GABRB3: variants seen among roughly 807,000 people sequenced by gnomAD.
The protein encoded by GABRB3 is gamma-aminobutyric acid receptor subunit beta-3.
GABRB3 carries 14 observed loss-of-function variants against 52.1 expected under a neutral mutation model. The ratio of observed to expected loss-of-function variants is 0.27; its 90% CI spans 0.18 to 0.42. The LOEUF (loss-of-function observed/expected upper bound fraction) is 0.42. Among genes scored for constraint, GABRB3 ranks in the 10% least tolerant of loss-of-function variants. GABRB3 has a pLI of 1.00. For synonymous variants in GABRB3, 260 were observed against 232.3 expected, an observed-to-expected ratio of 1.12 and a Z score of -1.08; for missense variants, 307 against 609.1, an observed-to-expected ratio of 0.50 and a Z score of 5.22.
intron 3 of GABRB3, among the ~76,000 whole-genome samples, chr15:26,745,849 G>T (rs1435487882): frequency 6.6e-6 from 1 of 152,102 alleles, no homozygotes; most frequent in Non-Finnish European, 1.5e-5. Context: ...CTTGTTTAAC[G>T]ATTCACAATT....
chr15:26,656,953 G>A lies in GABRB3; in HGVS notation c.241-35419C>T, dbSNP rs1334625890. ...AACAGCAATAATGATGCTTTACCTA[G>A]TAGCTCCATCTGTCTCAGAGTGAAA... On this transcript the variant is annotated intron_variant, in intron 3 of 8. Coordinates refer to ENST00000311550, the MANE Select transcript of GABRB3 (RefSeq NM_000814.6). 4.6e-5 allele frequency: 7 copies of A among 152,326 alleles called. No homozygotes were observed. The East Asian group carries it at 1.4e-3, about 29-fold the overall frequency. The allele number at this position is 152,326 out of a possible 1,614,324, so 9.4% of individuals were successfully genotyped here.
At chr15:26,760,923 C>T (rs1012975956) in intron 3 of GABRB3, among the ~76,000 whole-genome samples, 7 of 152,088 alleles carry the variant, frequency 4.6e-5, no homozygotes, top group Admixed American at 4.6e-4. Context: ...GATCACCAGC[C>T]TTTTACAATC....
At chr15:26,602,833 C>T (rs1595473829) in intron 4 of GABRB3, among the ~76,000 whole-genome samples, 1 of 152,046 alleles carries the variant, frequency 6.6e-6, no homozygotes, top group Admixed American at 6.5e-5. Flanking sequence ...AACTAAATAA[C>T]CATTTCCACT....
At chr15:26,675,871 T>A (rs1027770562) in intron 3 of GABRB3, among the ~76,000 whole-genome samples, 3 of 152,106 alleles carry the variant, frequency 2.0e-5, no homozygotes, top group Admixed American at 6.5e-5. Context: ...CAGTCAGATA[T>A]CCAGGGTTGG....
At chr15:26,665,390 C>A (rs1474657556) in intron 3 of GABRB3, among the ~76,000 whole-genome samples, 1 of 152,200 alleles carries the variant, frequency 6.6e-6, no homozygotes, top group Non-Finnish European at 1.5e-5. Flanking sequence ...GCAAAGGTAG[C>A]AGAGATTACC....
chr15:26,675,937 A>T (rs1888055057), intron 3 of GABRB3, among the ~76,000 whole-genome samples: 1 of 152,182 alleles, frequency 6.6e-6, no homozygotes, highest in African/African-American at 2.4e-5. Context: ...CAATGCAGAG[A>T]TGAACACTGA....
At chr15:26,668,206 A>G (rs1324962311) in intron 3 of GABRB3, among the ~76,000 whole-genome samples, 5 of 152,242 alleles carry the variant, frequency 3.3e-5, no homozygotes. Context: ...GCAAGGAAAT[A>G]AAGAATATGC....
chr15:26,606,768 C>CAATAGATAGA (rs768804640), intron 4 of GABRB3, among the ~76,000 whole-genome samples: 2 of 89,844 alleles, frequency 2.2e-5, no homozygotes, highest in Admixed American at 2.2e-4. Context: ...ATCTGTCTAT[C>CAATAGATAGA]TATAGATAGA....
intron 3 of GABRB3, among the ~76,000 whole-genome samples, chr15:26,732,734 T>G (rs536135571): frequency 1.3e-5 from 2 of 152,224 alleles, no homozygotes; most frequent in African/African-American, 4.8e-5. Context: ...TGGCCAGCTG[T>G]AATCCCAGGA....
At chr15:26,658,947 A>G (rs1460348364) in intron 3 of GABRB3, among the ~76,000 whole-genome samples, 1 of 152,228 alleles carries the variant, frequency 6.6e-6, no homozygotes, top group Admixed American at 6.5e-5. Flanking sequence ...GCTAAAATAA[A>G]TTGATCAAAT....
intron 6 of GABRB3, among the ~76,000 whole-genome samples, chr15:26,579,467 GCATTCAACCAACC>G (rs1318787984): frequency 1.3e-5 from 2 of 152,224 alleles, no homozygotes; most frequent in Non-Finnish European, 2.9e-5. Flanking sequence ...TGGGTCAGGA[GCATTCAACCAACC>G]CATTCACTGG....
intron 4 of GABRB3, among the ~76,000 whole-genome samples, chr15:26,619,695 TAAAG>T (rs1398830606): frequency 6.6e-6 from 1 of 151,748 alleles, no homozygotes; most frequent in African/African-American, 2.4e-5. Flanking sequence ...AAATAAAAAA[TAAAG>T]AATGCAAAAA....
chr15:26,653,808 G>A (rs1449518836), intron 3 of GABRB3, among the ~76,000 whole-genome samples: 1 of 152,158 alleles, frequency 6.6e-6, no homozygotes, highest in Non-Finnish European at 1.5e-5. Flanking sequence ...TCAAATAAAT[G>A]TTGGCCTAAA....
chr15:26,665,474 A>C (rs1887681301), intron 3 of GABRB3, among the ~76,000 whole-genome samples: 1 of 152,274 alleles, frequency 6.6e-6, no homozygotes, highest in African/African-American at 2.4e-5. Context: ...AGTATCTTTT[A>C]AATAGCTGTA....
intron 8 of GABRB3, among the ~76,000 whole-genome samples, chr15:26,556,128 T>C (rs569268504): frequency 1.3e-5 from 2 of 152,336 alleles, no homozygotes; most frequent in South Asian, 2.1e-4. Context: ...GAATACTCTT[T>C]ATTTTGAAGG....
At chr15:26,723,228 G>A (rs1889688933) in intron 3 of GABRB3, among the ~76,000 whole-genome samples, 2 of 152,108 alleles carry the variant, frequency 1.3e-5, no homozygotes, top group Admixed American at 1.3e-4. Flanking sequence ...TCTTTACAAG[G>A]TCACAATATA....
At chr15:26,698,977 T>A (rs1466996204) in intron 3 of GABRB3, among the ~76,000 whole-genome samples, 2 of 152,184 alleles carry the variant, frequency 1.3e-5, no homozygotes, top group Non-Finnish European at 2.9e-5. Flanking sequence ...ATAATTAAAA[T>A]TTTAATAAAA....
chr15:26,660,835 GT>G (rs1253787184), intron 3 of GABRB3, among the ~76,000 whole-genome samples: 1 of 152,178 alleles, frequency 6.6e-6, no homozygotes, highest in East Asian at 1.9e-4. Flanking sequence ...TATTTGTTTG[GT>G]TTGGGGGGGC....
At chr15:26,671,780 C>G (rs1361941926) in intron 3 of GABRB3, among the ~76,000 whole-genome samples, 1 of 152,102 alleles carries the variant, frequency 6.6e-6, no homozygotes, top group African/African-American at 2.4e-5. Flanking sequence ...CATAATCAAG[C>G]CTTTCCTCCC....
Sources: allele counts gnomAD v4.1 joint callset (sites outside exome capture counted in the v4.1 genomes callset), GRCh38; gene constraint gnomAD v4.1.1; transcripts MANE v1.5; gene names NCBI Gene and HGNC (gene_info 2026-07-23, HGNC 2026-07-21).